SORCS3: variants seen among roughly 807,000 people sequenced by gnomAD.
The protein encoded by SORCS3 is VPS10 domain-containing receptor SorCS3.
In SORCS3, 57 loss-of-function variants were observed where a neutral mutation model predicts 146.3. That is an observed-to-expected ratio of 0.39 (90% CI 0.31 to 0.49). The LOEUF is 0.49. SORCS3 is among the 20% of genes least tolerant of loss of function. The probability of loss-of-function intolerance (pLI) is 0.92; values close to 1 mark genes in which losing one functional copy is unlikely to be tolerated. For synonymous variants in SORCS3, 653 were observed against 618.5 expected, an observed-to-expected ratio of 1.06 and a Z score of -0.83; for missense variants, 1,341 against 1,575.5, an observed-to-expected ratio of 0.85 and a Z score of 2.52.
chr10:104,923,932 G>T (rs2019112894), intron 3 of SORCS3, among the ~76,000 whole-genome samples: 1 of 152,142 alleles, frequency 6.6e-6, no homozygotes. Context: ...TTGAGAGTTT[G>T]CTATGTGCTG....
At chr10:104,697,575 G>T (rs888739247) in intron 1 of SORCS3, among the ~76,000 whole-genome samples, 3 of 152,170 alleles carry the variant, frequency 2.0e-5, no homozygotes, top group African/African-American at 7.2e-5. Context: ...AAGTTAGCCT[G>T]TGCACTGATG....
intron 1 of SORCS3, among the ~76,000 whole-genome samples, chr10:104,703,346 A>ATTTCT (rs2016302053): frequency 6.6e-6 from 1 of 152,220 alleles, no homozygotes; most frequent in Non-Finnish European, 1.5e-5. Flanking sequence ...ACAGTGTACA[A>ATTTCT]GCATTCCTAT....
chr10:104,794,659 G>GAAAA (rs1218494837), intron 1 of SORCS3, among the ~76,000 whole-genome samples: 93 of 146,420 alleles, frequency 6.4e-4, no homozygotes, highest in Non-Finnish European at 9.7e-4. Flanking sequence ...GAGAGAGAGA[G>GAAAA]AATATTATCC....
intron 4 of SORCS3, among the ~76,000 whole-genome samples, chr10:105,020,846 T>C (rs1339011041): frequency 1.3e-5 from 2 of 152,184 alleles, no homozygotes; most frequent in Admixed American, 6.5e-5. Context: ...CCACATCACA[T>C]GTCACTCAGC....
At chr10:105,087,390 G>A (rs2133738718) in intron 5 of SORCS3, among the ~76,000 whole-genome samples, 1 of 151,576 alleles carries the variant, frequency 6.6e-6, no homozygotes, top group Admixed American at 6.6e-5. Context: ...TTCTGCACCT[G>A]TATCTCAGAA....
chr10:104,733,588 T>G (rs984038891), intron 1 of SORCS3, among the ~76,000 whole-genome samples: 37 of 151,924 alleles, frequency 2.4e-4, no homozygotes, highest in African/African-American at 8.9e-4. Context: ...GAGCCATTAT[T>G]TTTGGTGCCA....
intron 19 of SORCS3, among the ~76,000 whole-genome samples, chr10:105,219,211 A>C (rs989456564): frequency 6.6e-6 from 1 of 152,166 alleles, no homozygotes; most frequent in African/African-American, 2.4e-5. Context: ...GGTACAAAAC[A>C]AAATCAGCAA....
At chr10:104,963,218 A>G (rs993975127) in intron 3 of SORCS3, among the ~76,000 whole-genome samples, 1 of 152,222 alleles carries the variant, frequency 6.6e-6, no homozygotes, top group African/African-American at 2.4e-5. Flanking sequence ...ATGAATATTT[A>G]TAAGAGTCTC....
chr10:105,155,132 G>A (rs1196785885), intron 9 of SORCS3, among the ~76,000 whole-genome samples: 2 of 152,134 alleles, frequency 1.3e-5, no homozygotes, highest in African/African-American at 4.8e-5. Flanking sequence ...CTCAGAATAT[G>A]TGGGACACAC....
chr10:105,031,857 A>G (rs927058899), intron 4 of SORCS3, among the ~76,000 whole-genome samples: 2 of 152,170 alleles, frequency 1.3e-5, no homozygotes, highest in Admixed American at 6.5e-5. Context: ...TCCCTGGCGT[A>G]TAGTTTTGAG....
intron 1 of SORCS3, among the ~76,000 whole-genome samples, chr10:104,785,930 A>C (rs1410703355): frequency 6.6e-6 from 1 of 152,196 alleles, no homozygotes; most frequent in Non-Finnish European, 1.5e-5. Context: ...TAGCGCATGG[A>C]CCTGTGGTGT....
At chr10:105,026,884 C>G (rs1340452163) in intron 4 of SORCS3, among the ~76,000 whole-genome samples, 1 of 152,158 alleles carries the variant, frequency 6.6e-6, no homozygotes, top group African/African-American at 2.4e-5. Flanking sequence ...GTGCTATGCT[C>G]CCTGCTTGGG....
intron 5 of SORCS3, among the ~76,000 whole-genome samples, chr10:105,088,895 C>A (rs2055682024): frequency 6.6e-6 from 1 of 152,186 alleles, no homozygotes. Flanking sequence ...GAATACAAAT[C>A]TTAGAATAGT....
rs1362129036 is a variant in SORCS3, at chr10:105,000,090, A to G, written c.954+22597A>G. Reference sequence around the variant, plus strand: ...GAATGAATGAATGAATGAATGAATGAACAAAATACAACAAAATTAAAAATA... The same window carrying G: ...GAATGAATGAATGAATGAATGAATGGACAAAATACAACAAAATTAAAAATA... On this transcript the variant is annotated intron_variant, in intron 4 of 26. Transcript: ENST00000369701. Among the ~76,000 whole-genome samples, 4 of 152,218 alleles carry G rather than the reference A, an allele frequency of 2.6e-5. No individual in the cohort carries two copies. In the East Asian group the frequency reaches 7.7e-4, roughly 29 times the overall value.
chr10:105,188,665 A>C (rs1486091577), intron 14 of SORCS3, among the ~76,000 whole-genome samples: 1 of 152,230 alleles, frequency 6.6e-6, no homozygotes, highest in Non-Finnish European at 1.5e-5. Flanking sequence ...CATCTGGTTA[A>C]TTTATGCTGC....
chr10:104,783,600 T>G (rs1174041046), intron 1 of SORCS3, among the ~76,000 whole-genome samples: 1 of 152,086 alleles, frequency 6.6e-6, no homozygotes, highest in East Asian at 1.9e-4. Flanking sequence ...GATGGCAGGT[T>G]CTTGTAATCC....
At chr10:105,214,635 TG>T in intron 18 of SORCS3, 22 bp downstream of exon 18, 1 of 1,540,392 alleles carries the variant, frequency 6.5e-7, no homozygotes. Context: ...ACTGGGTCTC[TG>T]AGGTCAGAAC....
intron 1 of SORCS3, among the ~76,000 whole-genome samples, chr10:104,833,873 C>T (rs961318827): frequency 2.0e-5 from 3 of 152,104 alleles, no homozygotes; most frequent in Non-Finnish European, 4.4e-5. Flanking sequence ...TTAGGCATTT[C>T]GAAATTAATG....
intron 7 of SORCS3, among the ~76,000 whole-genome samples, chr10:105,110,456 A>T (rs770995801): frequency 6.6e-6 from 1 of 151,450 alleles, no homozygotes; most frequent in South Asian, 2.1e-4. Flanking sequence ...ATTTTCTTTT[A>T]TCTTTATATG....
Sources: allele counts gnomAD v4.1 joint callset (sites outside exome capture counted in the v4.1 genomes callset), GRCh38; gene constraint gnomAD v4.1.1; transcripts MANE v1.5; gene names NCBI Gene and HGNC (gene_info 2026-07-23, HGNC 2026-07-21).